The following TTC17 variants were observed in gnomAD, a reference collection of about 807,000 sequenced individuals.
The protein encoded by TTC17 is tetratricopeptide repeat domain 17, also known as tetratricopeptide repeat protein 17.
A neutral mutation model predicts 143.8 loss-of-function variants in TTC17; 58 were observed. The ratio of observed to expected loss-of-function variants is 0.40; its 90% confidence interval spans 0.33 to 0.50. TTC17 has a LOEUF of 0.50. Among genes scored for constraint, TTC17 ranks in the 20% least tolerant of loss-of-function variants. TTC17 has a pLI of 0.49. For synonymous variants in TTC17, 501 were observed against 497.8 expected, an observed-to-expected ratio of 1.01 and a Z score of -0.09; for missense variants, 1,273 against 1,392.5, an observed-to-expected ratio of 0.91 and a Z score of 1.37.
intron 21 of TTC17, among the ~76,000 whole-genome samples, chr11:43,461,236 T>C (rs960561971): frequency 2.0e-5 from 3 of 151,812 alleles, no homozygotes; most frequent in Admixed American, 1.3e-4. Flanking sequence ...TACAAAAAAT[T>C]AGCCGGGCGC....
Position 43,398,019 on chromosome 11 carries a change from T to G in TTC17, c.964T>G (p.Leu322Val). ...NHSVLCYDHA[L>V]QARPGFEQAI... ...CTCAGTGCTCTGTTATGACCACGCTTTGCAGGCCAGACCTGGGTTTGAGCA... is the reference window on the plus strand; with the variant it reads ...CTCAGTGCTCTGTTATGACCACGCTGTGCAGGCCAGACCTGGGTTTGAGCA... Residue 322 changes from leucine to valine, a missense_variant, in exon 8 of 24, where the codon TTG (leucine) becomes GTG (valine). Leu to Val is a conservative substitution (Grantham distance 32, BLOSUM62 1). Transcript: ENST00000039989. 6.2e-7 allele frequency: 1 copy of G among 1,613,348 alleles called. No individual in the cohort carries two copies. Among genetic ancestry groups the G allele is most frequent in the South Asian group, 1.1e-5 (1 of 91,044 alleles).
chr11:43,421,528 C>T (rs761091497), intron 16 of TTC17, among the ~76,000 whole-genome samples: 16 of 152,184 alleles, frequency 1.1e-4, no homozygotes, highest in Admixed American at 2.6e-4. Context: ...CCCCATCACT[C>T]GCATTACTGC....
intron 19 of TTC17, 53 bp from the exon 20 acceptor site, chr11:43,450,029 T>C (rs1947626797): frequency 6.3e-7 from 1 of 1,581,148 alleles, no homozygotes; most frequent in African/African-American, 1.3e-5. Flanking sequence ...TCTCTTCTCT[T>C]CCCACCCACT....
At chr11:43,381,876 TAAAG>T (rs1856981367) in intron 2 of TTC17, among the ~76,000 whole-genome samples, 1 of 152,108 alleles carries the variant, frequency 6.6e-6, no homozygotes, top group Non-Finnish European at 1.5e-5. Flanking sequence ...TTAGCTGAGA[TAAAG>T]AAGACTGAAG....
intron 5 of TTC17, among the ~76,000 whole-genome samples, chr11:43,394,805 G>A (rs1382682214): frequency 6.6e-6 from 1 of 152,030 alleles, no homozygotes; most frequent in African/African-American, 2.4e-5. Context: ...TTGAGAAGAA[G>A]CCAGTCTGAC....
chr11:43,464,143 G>T (rs189617979), intron 21 of TTC17, among the ~76,000 whole-genome samples: 1 of 152,212 alleles, frequency 6.6e-6, no homozygotes, highest in Non-Finnish European at 1.5e-5. Flanking sequence ...AGCTGGGCGT[G>T]GTGGTGCACG....
intron 21 of TTC17, among the ~76,000 whole-genome samples, chr11:43,484,141 CAAA>C (rs1156373248): frequency 1.3e-5 from 2 of 151,470 alleles, no homozygotes; most frequent in Non-Finnish European, 2.9e-5. Flanking sequence ...GACTCCATCT[CAAA>C]AAAAGAAAGA....
At chr11:43,454,515 A>T (rs1270135284) in intron 21 of TTC17, among the ~76,000 whole-genome samples, 1 of 152,170 alleles carries the variant, frequency 6.6e-6, no homozygotes, top group Non-Finnish European at 1.5e-5. Context: ...TTCTTACCTT[A>T]ACTATTAAAA....
At chr11:43,463,198 G>A (rs1947904818) in intron 21 of TTC17, among the ~76,000 whole-genome samples, 1 of 152,068 alleles carries the variant, frequency 6.6e-6, no homozygotes, top group Non-Finnish European at 1.5e-5. Flanking sequence ...ACAGCTGTAA[G>A]CCACCGTGCC....
At chr11:43,432,587 C>A (rs2134686170) in intron 16 of TTC17, among the ~76,000 whole-genome samples, 1 of 152,186 alleles carries the variant, frequency 6.6e-6, no homozygotes, top group Admixed American at 6.5e-5. Flanking sequence ...AAACTCATAC[C>A]TCTCAAGGTT....
At chr11:43,447,808 C>T (rs1346369028) in intron 18 of TTC17, 194 bp from the exon 19 acceptor site, 4 of 574,296 alleles carry the variant, frequency 7.0e-6, no homozygotes, top group East Asian at 3.1e-5. Flanking sequence ...TATCTTTACT[C>T]AGAGATGATC....
chr11:43,454,947 T>A (rs183466811), intron 21 of TTC17, among the ~76,000 whole-genome samples: 1 of 152,056 alleles, frequency 6.6e-6, no homozygotes, highest in African/African-American at 2.4e-5. Context: ...TATATCAAAC[T>A]CTGAACTTTG....
rs1857382285 is a variant in TTC17 at position 43,391,452 on chromosome 11, T to G, written c.420-13T>G. ...TCACCTTTTATTCATTCATTGCTTCTTTTTGATTTTAGTCCTGAAGATTAT... is the reference window on the plus strand; with the variant it reads ...TCACCTTTTATTCATTCATTGCTTCGTTTTGATTTTAGTCCTGAAGATTAT... On this transcript the variant is annotated splice_polypyrimidine_tract_variant and intron_variant, in intron 3 of 23. Transcript: ENST00000039989. 1 of 1,473,550 alleles carries G rather than the reference T, an allele frequency of 6.8e-7. No homozygotes were observed. Among genetic ancestry groups the G allele is most frequent in the African/African-American group, 1.4e-5 (1 of 70,286 alleles). The allele number at this position is 1,473,550 out of a possible 1,614,324, so 91.3% of individuals were successfully genotyped here.
intron 1 of TTC17, among the ~76,000 whole-genome samples, chr11:43,378,592 C>T (rs1856847445): frequency 6.6e-6 from 1 of 152,140 alleles, no homozygotes; most frequent in African/African-American, 2.4e-5. Flanking sequence ...CTTTCTTTTG[C>T]TCAAAGGTTA....
intron 21 of TTC17, chr11:43,466,697 C>A: frequency 2.7e-6 from 1 of 367,412 alleles, no homozygotes; most frequent in South Asian, 2.5e-5. Context: ...ATGCTGCACC[C>A]AAAACAAATG....
chr11:43,483,635 G>T (rs1948327617), intron 21 of TTC17, among the ~76,000 whole-genome samples: 1 of 152,114 alleles, frequency 6.6e-6, no homozygotes, highest in African/African-American at 2.4e-5. Context: ...CATTTCAGTA[G>T]ATTGCATTTG....
chr11:43,445,489 T>C (rs1945445379), intron 18 of TTC17, among the ~76,000 whole-genome samples: 1 of 152,212 alleles, frequency 6.6e-6, no homozygotes, highest in African/African-American at 2.4e-5. Context: ...ATTTTCTAAA[T>C]ATTTTACAAT....
At position 43,398,110 on chromosome 11, in the gene TTC17, A is replaced by G. The variant is rs1011913342; in HGVS notation, c.1055A>G (p.His352Arg). The G allele has an allele frequency of 3.7e-6, 6 of 1,613,932 alleles. No homozygotes were observed. The highest frequency in any genetic ancestry group is 1.1e-5 in the South Asian group (1 of 91,080). The change falls in exon 8 of 24, where the codon CAT (histidine) becomes CGT (arginine). Residue 352 changes from histidine (H) to arginine (R), a missense_variant. His to Arg is a conservative substitution (Grantham distance 29). Coordinates refer to ENST00000039989, the MANE Select transcript of TTC17 (RefSeq NM_018259.6). ...QKLEQKLEAQ[H>R]RSLQRTLNEL... ...CTGGAGCAGAAATTGGAGGCTCAGC[A>G]TAGGTAATTGAGAGGAAAAATTTCA...
intron 1 of TTC17, among the ~76,000 whole-genome samples, chr11:43,369,693 T>C (rs1425064588): frequency 6.6e-6 from 1 of 151,998 alleles, no homozygotes; most frequent in Non-Finnish European, 1.5e-5. Context: ...CTTATTTCAC[T>C]GCAACCTCTG....
Sources: gnomAD v4.1 joint callset for allele counts (sites outside exome capture counted in the v4.1 genomes callset) on GRCh38, gnomAD v4.1.1 for gene constraint, MANE v1.5 for transcripts, NCBI Gene and HGNC (gene_info 2026-07-23, HGNC 2026-07-21) for gene names.